Variants in ZC3H12B observed in about 807,000 individuals in gnomAD.
The protein encoded by ZC3H12B is zinc finger CCCH-type containing 12B.
In ZC3H12B, 7 loss-of-function variants were observed where a neutral mutation model predicts 43.9. The ratio of observed to expected loss-of-function variants is 0.16; its 90% confidence interval spans 0.09 to 0.30. ZC3H12B has a LOEUF of 0.30. Ranked by LOEUF, ZC3H12B falls within the 10% of genes least tolerant of loss-of-function variation. The probability of loss-of-function intolerance (pLI) is 1.00; values close to 1 mark genes in which losing one functional copy is unlikely to be tolerated. For synonymous variants in ZC3H12B, 222 were observed against 241.7 expected (o/e 0.92, Z 0.76); for missense variants, 475 against 670.2 (o/e 0.71, Z 3.22).
the ZC3H12B span, among the ~76,000 whole-genome samples, chrX:65,206,521 T>C: frequency 1.4e-4 from 16 of 112,112 alleles, no homozygotes; most frequent in African/African-American, 5.2e-4. Context: ...TCAAGATGGA[T>C]TAAGGATTTA....
intron 3 of ZC3H12B, among the ~76,000 whole-genome samples, chrX:65,468,584 C>T (rs1288248294): frequency 8.7e-5 from 9 of 103,752 alleles, no homozygotes; most frequent in Non-Finnish European, 1.8e-4. Flanking sequence ...CCCAGGTTCA[C>T]GCCATTCTCC....
chrX:65,170,098 C>T, the ZC3H12B span, among the ~76,000 whole-genome samples: 2 of 111,668 alleles, frequency 1.8e-5, no homozygotes, highest in African/African-American at 6.5e-5. Flanking sequence ...GGTTATTTTG[C>T]TCGTTAGTTG....
At chrX:65,074,150 A>G in the ZC3H12B span, among the ~76,000 whole-genome samples, 2 of 110,352 alleles carry the variant, frequency 1.8e-5, no homozygotes, top group South Asian at 7.6e-4. Context: ...TCACTTTAGC[A>G]TTTTTTCATA....
At chrX:65,118,335 G>T in the ZC3H12B span, among the ~76,000 whole-genome samples, 64 of 111,507 alleles carry the variant, frequency 5.7e-4, no homozygotes, top group African/African-American at 1.7e-3. Flanking sequence ...TTGTGAATGG[G>T]AGTTCACTCA....
the ZC3H12B span, among the ~76,000 whole-genome samples, chrX:65,318,373 CCTTCTTT>C: frequency 9.3e-6 from 1 of 107,215 alleles, no homozygotes; most frequent in African/African-American, 3.4e-5. Context: ...CTTCCTTCTT[CCTTCTTT>C]TTCCTTCTTC....
the ZC3H12B span, among the ~76,000 whole-genome samples, chrX:65,229,528 A>G: frequency 9.0e-6 from 1 of 111,317 alleles, no homozygotes; most frequent in African/African-American, 3.3e-5. Context: ...GCCAAAATTG[A>G]CAAGTGGGAT....
chrX:65,352,799 T>A, the ZC3H12B span, among the ~76,000 whole-genome samples: 2 of 112,199 alleles, frequency 1.8e-5, no homozygotes, highest in South Asian at 7.4e-4. Flanking sequence ...TTTGAAACTT[T>A]TTCACCATCA....
chrX:65,257,482 TAGG>T, the ZC3H12B span, among the ~76,000 whole-genome samples: 1 of 110,476 alleles, frequency 9.1e-6, no homozygotes, highest in African/African-American at 3.3e-5. Context: ...GGGATAGCAT[TAGG>T]AGAAATACCT....
At chrX:65,131,273 A>G in the ZC3H12B span, among the ~76,000 whole-genome samples, 3 of 111,452 alleles carry the variant, frequency 2.7e-5, no homozygotes, top group Non-Finnish European at 3.8e-5. Context: ...ACTGCCATCA[A>G]TAAACTAAAT....
At chrX:65,115,283 A>G in the ZC3H12B span, among the ~76,000 whole-genome samples, 2 of 109,851 alleles carry the variant, frequency 1.8e-5, no homozygotes, top group Admixed American at 9.8e-5. Context: ...GCTCCAACAT[A>G]TGAGTGAAAA....
chrX:65,041,801 C>G, the ZC3H12B span, among the ~76,000 whole-genome samples: 1 of 111,861 alleles, frequency 8.9e-6, no homozygotes, highest in East Asian at 2.8e-4. Flanking sequence ...ATAATGAGTG[C>G]ATGCATATTG....
chrX:65,340,211 A>C, the ZC3H12B span, among the ~76,000 whole-genome samples: 1 of 112,205 alleles, frequency 8.9e-6, no homozygotes, highest in South Asian at 3.7e-4. Flanking sequence ...TTCTGTGCTA[A>C]CACCACCACC....
the ZC3H12B span, among the ~76,000 whole-genome samples, chrX:65,085,077 A>G: frequency 8.9e-6 from 1 of 111,774 alleles, no homozygotes; most frequent in Non-Finnish European, 1.9e-5. Context: ...ACTCATGGAC[A>G]TAGTTGAAGG....
the ZC3H12B span, among the ~76,000 whole-genome samples, chrX:65,301,114 C>A: frequency 2.7e-5 from 3 of 110,462 alleles, no homozygotes; most frequent in African/African-American, 6.6e-5. Context: ...CAGGAAAATA[C>A]AAATCAAAAC....
the ZC3H12B span, among the ~76,000 whole-genome samples, chrX:65,091,132 G>C: frequency 8.9e-6 from 1 of 111,761 alleles, no homozygotes; most frequent in East Asian, 2.8e-4. Flanking sequence ...ATGCAAGAAT[G>C]GACTAATACA....
the ZC3H12B span, among the ~76,000 whole-genome samples, chrX:65,293,759 G>A: frequency 1.8e-5 from 2 of 111,102 alleles, no homozygotes; most frequent in African/African-American, 6.5e-5. Flanking sequence ...AAGAACATCA[G>A]AGTTCGAAGA....
the ZC3H12B span, among the ~76,000 whole-genome samples, chrX:65,159,332 T>G: frequency 2.1e-3 from 235 of 111,793 alleles, 1 homozygote; most frequent in East Asian, 0.021. Context: ...GATGGGGATG[T>G]CATTGAATCT....
intron 3 of ZC3H12B, among the ~76,000 whole-genome samples, chrX:65,455,965 C>A (rs964391012): frequency 9.0e-6 from 1 of 111,715 alleles, no homozygotes; most frequent in Non-Finnish European, 1.9e-5. Flanking sequence ...CCTAAAAGAG[C>A]TACTGAAGGA....
chrX:65,059,987 G>T, the ZC3H12B span, among the ~76,000 whole-genome samples: 1 of 112,084 alleles, frequency 8.9e-6, no homozygotes, highest in African/African-American at 3.2e-5. Context: ...ATCGTAAATG[G>T]ATTACTTTTT....
Sources: gnomAD v4.1 joint callset for allele counts (sites outside exome capture counted in the v4.1 genomes callset) on GRCh38, gnomAD v4.1.1 for gene constraint, MANE v1.5 for transcripts, NCBI Gene and HGNC (gene_info 2026-07-23, HGNC 2026-07-21) for gene names.